Variants in CFDP1 observed in about 807,000 individuals in gnomAD.
The protein encoded by CFDP1 is heterochromatin-stabilizing protein CFDP1.
In CFDP1, 31 loss-of-function variants were observed where a neutral mutation model predicts 40.1. The observed-to-expected ratio is 0.77, with a 90% CI of 0.58 to 1.04. The LOEUF (loss-of-function observed/expected upper bound fraction) is 1.04. Among genes scored for constraint, CFDP1 ranks in the 50% least tolerant of loss-of-function variants. The pLI is 0.00. For missense variants in CFDP1, 423 were observed against 343.4 expected, an observed-to-expected ratio of 1.23 and a Z score of -1.83; for synonymous variants, 167 against 120.0, an observed-to-expected ratio of 1.39 and a Z score of -2.56.
At position 75,416,526 on chromosome 16, in the gene CFDP1, C is replaced by T. The variant is rs1425380324; in HGVS notation, c.65-1831G>A. 8.6e-5 allele frequency among the ~76,000 whole-genome samples: 13 copies of T among 150,462 alleles called. No homozygotes were observed. In the East Asian group the frequency reaches 9.8e-4, roughly 11 times the overall value. ...CTATAATCTCAGCCCTTTGGGAGGC[C>T]GAGGCAGGTGGTTCGCCTGAGCCCA... is the stretch of plus-strand genomic sequence containing the variant. On this transcript the variant is annotated intron_variant, in intron 1 of 6. Transcript: ENST00000283882.
chr16:75,403,756 T>C (rs2079075303), intron 4 of CFDP1, among the ~76,000 whole-genome samples: 1 of 152,230 alleles, frequency 6.6e-6, no homozygotes, highest in Admixed American at 6.5e-5. Flanking sequence ...AGCGTTCTGC[T>C]GGTCCCCTAC....
intron 1 of CFDP1, among the ~76,000 whole-genome samples, chr16:75,427,298 T>C (rs2040325492): frequency 6.6e-6 from 1 of 151,956 alleles, no homozygotes; most frequent in Admixed American, 6.6e-5. Context: ...TTGCCCAGGC[T>C]GGAGTGCAGT....
At position 75,396,608 on chromosome 16, in the gene CFDP1, T is replaced by A. The variant is rs558144311; in HGVS notation, c.531-1399A>T. Among the ~76,000 whole-genome samples, 276 of 102,930 alleles carry A rather than the reference T, an allele frequency of 2.7e-3. 103 individuals carry two copies. Among genetic ancestry groups the A allele is most frequent in the Admixed American group, 0.01 (80 of 7,992 alleles). The allele number at this position is 102,930 out of a possible 152,430, so 67.5% of individuals were successfully genotyped here. Reference sequence around the variant, plus strand: ...TTTTATATCCAAAACAACCCAAAGATGAAACAAAAACTGGCTAAATTAGCA... The same window carrying A: ...TTTTATATCCAAAACAACCCAAAGAAGAAACAAAAACTGGCTAAATTAGCA... On this transcript the variant is annotated intron_variant, in intron 4 of 6. Coordinates refer to ENST00000283882, the MANE Select transcript of CFDP1 (RefSeq NM_006324.3).
chr16:75,397,790 C>T (rs1023071963), intron 4 of CFDP1, among the ~76,000 whole-genome samples: 1 of 151,942 alleles, frequency 6.6e-6, no homozygotes, highest in Non-Finnish European at 1.5e-5. Context: ...TGGGCGACAG[C>T]GAGACTCCGT....
At chr16:75,349,061 T>C (rs1362066440) in intron 5 of CFDP1, among the ~76,000 whole-genome samples, 1 of 152,092 alleles carries the variant, frequency 6.6e-6, no homozygotes, top group East Asian at 1.9e-4. Flanking sequence ...CTGGTAGAGA[T>C]GGAGTCTCTG....
Position 75,380,443 on chromosome 16 carries a change from G to T in CFDP1, c.650+14647C>A, listed in dbSNP as rs111465181. Among the ~76,000 whole-genome samples the T allele has an allele frequency of 3.0e-3, 460 of 152,080 alleles. 2 individuals carry two copies. Among genetic ancestry groups the T allele is most frequent in the Non-Finnish European group, 5.5e-3 (376 of 67,992 alleles). On this transcript the variant is annotated intron_variant, in intron 5 of 6. Transcript: ENST00000283882. Reference sequence around the variant, plus strand: ...GACAGTTTCAATAACTTCCAGTCGGGGTTTTATTTGCCACGTGATAATAAA... The same window carrying T: ...GACAGTTTCAATAACTTCCAGTCGGTGTTTTATTTGCCACGTGATAATAAA...
intron 5 of CFDP1, among the ~76,000 whole-genome samples, chr16:75,370,212 C>T (rs1470205248): frequency 6.6e-6 from 1 of 151,868 alleles, no homozygotes; most frequent in African/African-American, 2.4e-5. Flanking sequence ...CCTGCCTTGG[C>T]CTCCCAAGTA....
At chr16:75,407,680 A>T (rs956249170) in intron 4 of CFDP1, among the ~76,000 whole-genome samples, 26 of 151,916 alleles carry the variant, frequency 1.7e-4, no homozygotes, top group Admixed American at 7.2e-4. Context: ...AAAGAAAAAA[A>T]AGAATTCATG....
chr16:75,393,140 G>A (rs537971256), intron 5 of CFDP1, among the ~76,000 whole-genome samples: 1 of 152,130 alleles, frequency 6.6e-6, no homozygotes, highest in Non-Finnish European at 1.5e-5. Flanking sequence ...TGTCCGATGG[G>A]CACTGGAGGC....
chr16:75,384,564 C>A (rs1212753825), intron 5 of CFDP1, among the ~76,000 whole-genome samples: 1 of 152,040 alleles, frequency 6.6e-6, no homozygotes, highest in Non-Finnish European at 1.5e-5. Flanking sequence ...ATTTAAGATG[C>A]ACATACCCAA....
chr16:75,307,785 C>T (rs2078268596), intron 5 of CFDP1, among the ~76,000 whole-genome samples: 1 of 152,122 alleles, frequency 6.6e-6, no homozygotes, highest in Non-Finnish European at 1.5e-5. Flanking sequence ...GTATCAAACT[C>T]TTGGACTCAA....
chr16:75,296,465 G>C (rs1364504629), intron 6 of CFDP1, among the ~76,000 whole-genome samples: 1 of 111,586 alleles, frequency 9.0e-6, no homozygotes, highest in African/African-American at 2.7e-5. Context: ...TCGAACTCCT[G>C]GGCTCAAGCG....
chr16:75,320,860 A>G (rs1012599494), intron 5 of CFDP1, among the ~76,000 whole-genome samples: 1 of 152,262 alleles, frequency 6.6e-6, no homozygotes, highest in Non-Finnish European at 1.5e-5. Flanking sequence ...CACACCAAGG[A>G]ATAGTTTCCC....
rs772105914 is a variant in CFDP1, at chr16:75,433,383, C to G, written c.-31G>C. The G allele has an allele frequency of 4.8e-5, 75 of 1,571,344 alleles. No individual in the cohort carries two copies. Among genetic ancestry groups the G allele is most frequent in the Non-Finnish European group, 6.0e-5 (70 of 1,158,402 alleles). ...TGCCGCTCGACGCTGGTCAAACTCA[C>G]AAGACCGCAGCAGCCGCCTCCAACG... On this transcript the variant is annotated 5_prime_UTR_variant, in exon 1 of 7. Coordinates refer to ENST00000283882, the MANE Select transcript of CFDP1 (RefSeq NM_006324.3).
chr16:75,421,247 CCCCTTTTTT>C lies in CFDP1; in HGVS notation c.65-6561_65-6553del, dbSNP rs548471044. 3.8e-4 allele frequency among the ~76,000 whole-genome samples: 58 copies of C among 152,232 alleles called. 3 individuals are homozygous for C. In the South Asian group the frequency reaches 0.012, roughly 31 times the overall value. On this transcript the variant is annotated intron_variant, in intron 1 of 6. Transcript: ENST00000283882. Reference sequence around the variant, plus strand: ...CTCTGGCCTTGCAGAGTCCCTGTTCCCCCTTTTTTCCCTTTTCACCCAATAAAACCCTGA... The same window carrying C: ...CTCTGGCCTTGCAGAGTCCCTGTTCCCCCTTTTCACCCAATAAAACCCTGA...
intron 1 of CFDP1, among the ~76,000 whole-genome samples, chr16:75,415,446 G>C (rs1360810145): frequency 6.6e-6 from 1 of 152,178 alleles, no homozygotes; most frequent in Admixed American, 6.5e-5. Context: ...GAACACACTT[G>C]CATAACCAGG....
intron 5 of CFDP1, among the ~76,000 whole-genome samples, chr16:75,385,887 C>T (rs973109132): frequency 1.3e-5 from 2 of 152,274 alleles, no homozygotes; most frequent in Non-Finnish European, 2.9e-5. Context: ...TATTATCATA[C>T]TAAGTAAACT....
At chr16:75,416,002 G>A (rs1175346775) in intron 1 of CFDP1, among the ~76,000 whole-genome samples, 1 of 152,064 alleles carries the variant, frequency 6.6e-6, no homozygotes, top group Non-Finnish European at 1.5e-5. Context: ...ACAGAAGTGT[G>A]CCACCACACC....
At chr16:75,364,752 G>C (rs1017436835) in intron 5 of CFDP1, among the ~76,000 whole-genome samples, 3 of 152,078 alleles carry the variant, frequency 2.0e-5, no homozygotes, top group African/African-American at 7.2e-5. Context: ...ACTGTTATTT[G>C]AAAATAAGTT....
Sources: allele counts gnomAD v4.1 joint callset (sites outside exome capture counted in the v4.1 genomes callset), GRCh38; gene constraint gnomAD v4.1.1; transcripts MANE v1.5; gene names NCBI Gene and HGNC (gene_info 2026-07-23, HGNC 2026-07-21).